The following FCGR2B variants were observed in gnomAD, a reference collection of about 807,000 sequenced individuals.
FCGR2B encodes Fc gamma receptor IIb, also known as low affinity immunoglobulin gamma Fc region receptor II-b.
Under a neutral mutation model 24.8 loss-of-function variants are expected in FCGR2B, and 18 were observed. The observed-to-expected ratio is 0.73, with a 90% CI of 0.50 to 1.08. FCGR2B has a LOEUF of 1.08. Among genes scored for constraint, FCGR2B ranks in the 50% least tolerant of loss-of-function variants. The pLI is 0.00. For missense variants in FCGR2B, 215 were observed against 297.6 expected (o/e 0.72, Z 2.04); for synonymous variants, 79 against 109.8 (o/e 0.72, Z 1.75).
chr1:161,677,662 A>C lies in FCGR2B; in HGVS notation c.*109A>C. 1 of 856,602 alleles carries C rather than the reference A, an allele frequency of 1.2e-6. No homozygotes were observed. The highest frequency in any genetic ancestry group is 1.9e-6 in the Non-Finnish European group (1 of 533,884). 53.1% of individuals were successfully genotyped at this position (856,602 alleles called of 1,614,324 possible). A position where few individuals can be genotyped will look rare whatever the true frequency, so the allele number is the denominator to read the frequency against. ...GGACAGGGAGATGCTGCAGTTCCAA[A>C]AGAGAAGGTTTCTTCCAGAGTCATC... is the stretch of plus-strand genomic sequence containing the variant. On this transcript the variant is annotated 3_prime_UTR_variant, in exon 8 of 8. Coordinates refer to ENST00000358671, the MANE Select transcript of FCGR2B (RefSeq NM_001394477.1).
upstream of FCGR2B, among the ~76,000 whole-genome samples, chr1:161,661,574 A>G (rs1438395927): frequency 1.2e-5 from 1 of 85,380 alleles, no homozygotes; most frequent in Non-Finnish European, 2.3e-5. Context: ...CCTTGGCAAA[A>G]TAAACTTCTA....
chr1:161,671,196 G>A (rs973679524), intron 2 of FCGR2B, among the ~76,000 whole-genome samples, 196 bp from the exon 3 acceptor site: 5 of 152,138 alleles, frequency 3.3e-5, no homozygotes, highest in Non-Finnish European at 7.4e-5. Flanking sequence ...CCCTGTCGGA[G>A]TCCTGGGCTC....
At chr1:161,656,937 G>GTTTCTTT in the FCGR2B span, among the ~76,000 whole-genome samples, 2 of 70,928 alleles carry the variant, frequency 2.8e-5, no homozygotes, top group African/African-American at 7.9e-5. Flanking sequence ...GGCAAGATTT[G>GTTTCTTT]TTTCTTTTTT....
chr1:161,650,020 AT>A, the FCGR2B span, among the ~76,000 whole-genome samples: 2 of 150,470 alleles, frequency 1.3e-5, no homozygotes, highest in African/African-American at 2.5e-5. Context: ...TGTGTGTTTT[AT>A]TTTTTAGACA....
At position 161,673,200 on chromosome 1, in the gene FCGR2B, C is replaced by T. The variant is rs1442376365; in HGVS notation, c.617C>T (p.Ser206Leu). The change falls in exon 4 of 8, where the codon TCA (serine) becomes TTA (leucine). Residue 206 changes from serine (S) to leucine (L), a missense_variant. Around this residue, in one of 5 missense-constraint regions of FCGR2B, gnomAD observed 16 missense variants for 46.6 expected, o/e 0.34. Coordinates refer to ENST00000358671, the MANE Select transcript of FCGR2B (RefSeq NM_001394477.1). ...GGAAACATAGGCTACACGCTGTACT[C>T]ATCCAAGCCTGTGACCATCACTGTC... ...CTGNIGYTLY[S>L]SKPVTITVQA... 11 of 1,607,270 alleles carry T rather than the reference C, an allele frequency of 6.8e-6. No homozygotes were observed. The highest frequency in any genetic ancestry group is 8.5e-6 in the Non-Finnish European group (10 of 1,177,176).
the FCGR2B span, among the ~76,000 whole-genome samples, chr1:161,652,781 T>TTAGTGTGGGCCA: frequency 8.2e-5 from 11 of 134,796 alleles, 1 homozygote; most frequent in African/African-American, 2.8e-4. Context: ...TGGTAAGCTC[T>TTAGTGTGGGCCA]TAGTGTGGGC....
At chr1:161,671,156 T>A (rs1163845645) in intron 2 of FCGR2B, among the ~76,000 whole-genome samples, 2 of 152,160 alleles carry the variant, frequency 1.3e-5, no homozygotes, top group African/African-American at 4.8e-5. Flanking sequence ...AGGGTGTTTC[T>A]CTTGCCTGCT....
At chr1:161,655,962 T>A in the FCGR2B span, among the ~76,000 whole-genome samples, 563 of 116,586 alleles carry the variant, frequency 4.8e-3, no homozygotes, top group Non-Finnish European at 7.5e-3. Flanking sequence ...TTCAAGCAAT[T>A]CTCCTGTCTC....
upstream of FCGR2B, among the ~76,000 whole-genome samples, chr1:161,661,036 T>C (rs1571011215): frequency 1.4e-5 from 1 of 71,068 alleles, no homozygotes; most frequent in Non-Finnish European, 2.7e-5. Context: ...GTCACACCTC[T>C]GCACTCCCGC....
At chr1:161,671,280 C>T (rs1681629827) in intron 2 of FCGR2B, 112 bp from the exon 3 acceptor site, 29 of 1,550,844 alleles carry the variant, frequency 1.9e-5, no homozygotes, top group South Asian at 1.5e-4. Context: ...GGGCCTGGCT[C>T]GGCTTTTGGT....
At chr1:161,671,324 G>T in intron 2 of FCGR2B, 68 bp from the exon 3 acceptor site, 1 of 1,610,184 alleles carries the variant, frequency 6.2e-7, no homozygotes, top group Non-Finnish European at 8.5e-7. Flanking sequence ...TTTTTTGTCT[G>T]AGATTCAGGG....
intron 6 of FCGR2B, chr1:161,677,028 C>T (rs1383943119): frequency 8.9e-6 from 4 of 450,066 alleles, no homozygotes; most frequent in Non-Finnish European, 1.6e-5. Flanking sequence ...CCCAATATCT[C>T]AGATCCCAAG....
chr1:161,677,099 A>G (rs1682211263), intron 6 of FCGR2B: 1 of 559,522 alleles, frequency 1.8e-6, no homozygotes, highest in Non-Finnish European at 3.1e-6. Flanking sequence ...AGCTCAAGTG[A>G]CTGCTCCACT....
chr1:161,671,551 G>C lies in FCGR2B; in HGVS notation c.293G>C (p.Ser98Thr), dbSNP rs1256180122. The C allele has an allele frequency of 2.5e-6, 4 of 1,614,172 alleles. No homozygotes were observed. The highest frequency in any genetic ancestry group is 1.1e-5 in the South Asian group (1 of 91,074). The change falls in exon 3 of 8, where the codon AGC becomes ACC. Residue 98 changes from serine (S) to threonine (T), a missense_variant. This residue lies in a region of FCGR2B where 77 missense variants were observed against 68.8 expected (regional missense o/e 1.12). Transcript: ENST00000358671. ...CTCATTCCCACCCACACGCAGCCCA[G>C]CTACAGGTTCAAGGCCAACAACAAT... ...GNLIPTHTQPSYRFKANNNDS... is the reference protein window; with the variant it reads ...GNLIPTHTQPTYRFKANNNDS...
At chr1:161,661,261 A>G (rs1378403952), upstream of FCGR2B, among the ~76,000 whole-genome samples, 2 of 25,796 alleles carry the variant, frequency 7.8e-5, no homozygotes, top group African/African-American at 1.9e-4. Flanking sequence ...AAAGAAAGAA[A>G]GGAAGGAAGC....
chr1:161,676,316 C>A, intron 6 of FCGR2B: 1 of 198,746 alleles, frequency 5.0e-6, no homozygotes, highest in African/African-American at 2.3e-5. Context: ...GTGCTTGCAG[C>A]AAGGTCGCAT....
chr1:161,650,890 C>T, the FCGR2B span, among the ~76,000 whole-genome samples: 3 of 105,616 alleles, frequency 2.8e-5, no homozygotes, highest in Non-Finnish European at 6.0e-5. Flanking sequence ...TCTCCTTCCC[C>T]CTCCAGTTCT....
At chr1:161,671,123 T>A (rs1022152424) in intron 2 of FCGR2B, among the ~76,000 whole-genome samples, 6 of 152,132 alleles carry the variant, frequency 3.9e-5, no homozygotes, top group African/African-American at 1.4e-4. Context: ...TGAGGATATC[T>A]CAGGTAAAGT....
chr1:161,649,297 CAAT>C, the FCGR2B span, among the ~76,000 whole-genome samples: 1 of 150,860 alleles, frequency 6.6e-6, no homozygotes, highest in African/African-American at 2.5e-5. Flanking sequence ...AAATCACTGC[CAAT>C]AATATGAATG....
Sources: allele counts gnomAD v4.1 joint callset (sites outside exome capture counted in the v4.1 genomes callset), GRCh38; gene constraint gnomAD v4.1.1; regional missense constraint gnomAD v4.1.1; transcripts MANE v1.5; gene names NCBI Gene and HGNC (gene_info 2026-07-23, HGNC 2026-07-21).